The following DNAI4 variants were observed in gnomAD, a reference collection of about 807,000 sequenced individuals.
The protein encoded by DNAI4 is WD repeat domain 78.
Under a neutral mutation model 105.8 loss-of-function variants are expected in DNAI4, and 85 were observed. The ratio of observed to expected loss-of-function variants is 0.80; its 90% CI spans 0.67 to 0.96. The LOEUF is 0.96. Ranked by LOEUF, DNAI4 falls within the 40% of genes least tolerant of loss-of-function variation. DNAI4 has a pLI of 0.00. For missense variants in DNAI4, 1,014 were observed against 1,005.6 expected, an observed-to-expected ratio of 1.01 and a Z score of -0.11; for synonymous variants, 352 against 331.5, an observed-to-expected ratio of 1.06 and a Z score of -0.67.
intron 2 of DNAI4, among the ~76,000 whole-genome samples, chr1:66,899,838 C>T (rs1423296191): frequency 2.6e-5 from 4 of 152,130 alleles, no homozygotes; most frequent in Non-Finnish European, 5.9e-5. Flanking sequence ...ATTGAGTGAT[C>T]TCGGCAATCA....
chr1:66,851,812 G>A (rs1646402383), intron 7 of DNAI4, among the ~76,000 whole-genome samples: 1 of 151,656 alleles, frequency 6.6e-6, no homozygotes, highest in African/African-American at 2.4e-5. Flanking sequence ...AGCATTAAAT[G>A]TATACATTAG....
chr1:66,882,799 A>C (rs1366478032), intron 4 of DNAI4, among the ~76,000 whole-genome samples: 1 of 151,976 alleles, frequency 6.6e-6, no homozygotes, highest in Non-Finnish European at 1.5e-5. Flanking sequence ...AATATAAATT[A>C]TAGAATAAAT....
At chr1:66,887,576 A>G (rs1441964366) in intron 4 of DNAI4, among the ~76,000 whole-genome samples, 2 of 152,166 alleles carry the variant, frequency 1.3e-5, no homozygotes, top group Non-Finnish European at 2.9e-5. Flanking sequence ...AAACATAGAC[A>G]TTACTCAAAA....
intron 10 of DNAI4, among the ~76,000 whole-genome samples, chr1:66,837,210 G>A (rs376645090): frequency 5.3e-5 from 8 of 151,620 alleles, no homozygotes; most frequent in Non-Finnish European, 1.2e-4. Flanking sequence ...TTAAAAATAC[G>A]AAAATTAGCT....
At chr1:66,872,430 T>C (rs1646867250) in intron 5 of DNAI4, among the ~76,000 whole-genome samples, 1 of 151,940 alleles carries the variant, frequency 6.6e-6, no homozygotes. Flanking sequence ...GGTTTTACCA[T>C]GTTGACCAGG....
intron 1 of DNAI4, among the ~76,000 whole-genome samples, chr1:66,924,031 A>T (rs1414149123): frequency 6.6e-6 from 1 of 152,338 alleles, no homozygotes; most frequent in Non-Finnish European, 1.5e-5. Context: ...GGTGGCTCAC[A>T]GAAGCTGAGG....
rs1645450549 is a variant in DNAI4, at chr1:66,813,191, A to AT, written c.*938dup. 6.6e-6 allele frequency: 1 copy of AT among 152,272 alleles called. No homozygotes were observed. Among genetic ancestry groups the AT allele is most frequent in the Non-Finnish European group, 1.5e-5 (1 of 68,026 alleles). The allele number at this position is 152,272 out of a possible 1,614,324, so 9.4% of individuals were successfully genotyped here. On this transcript the variant is annotated 3_prime_UTR_variant, in exon 17 of 17. Transcript: ENST00000371026. ...TTTTCCAGAGAGTTTAGTGAATTTCATATGCCCTATCGTCTCCTCTCCACT... is the reference window on the plus strand; with the variant it reads ...TTTTCCAGAGAGTTTAGTGAATTTCATTATGCCCTATCGTCTCCTCTCCACT...
chr1:66,919,121 A>C (rs1024970998), intron 1 of DNAI4: 2 of 444,734 alleles, frequency 4.5e-6, no homozygotes, highest in Non-Finnish European at 9.1e-6. Flanking sequence ...GCCTCCCTAA[A>C]ATGTATAAAA....
At chr1:66,878,845 G>C (rs543171333) in intron 4 of DNAI4, among the ~76,000 whole-genome samples, 1 of 152,228 alleles carries the variant, frequency 6.6e-6, no homozygotes, top group African/African-American at 2.4e-5. Context: ...CTATAAACTA[G>C]AGTGTTTATT....
chr1:66,885,130 A>G (rs1169927997), intron 4 of DNAI4, among the ~76,000 whole-genome samples: 2 of 152,128 alleles, frequency 1.3e-5, no homozygotes, highest in Non-Finnish European at 2.9e-5. Flanking sequence ...TTAATTTGCA[A>G]ATGTTTGGAA....
At chr1:66,908,531 G>C (rs1045378422) in intron 1 of DNAI4, among the ~76,000 whole-genome samples, 2 of 152,148 alleles carry the variant, frequency 1.3e-5, no homozygotes, top group African/African-American at 4.8e-5. Flanking sequence ...ATTACTTCTG[G>C]GTAGTCCCCT....
intron 4 of DNAI4, among the ~76,000 whole-genome samples, chr1:66,880,485 G>C (rs1337505589): frequency 6.6e-6 from 1 of 152,190 alleles, no homozygotes; most frequent in Non-Finnish European, 1.5e-5. Flanking sequence ...TTGGGAACTG[G>C]AGCAAAGGTG....
At chr1:66,834,928 T>C (rs959853749) in intron 11 of DNAI4, among the ~76,000 whole-genome samples, 2 of 152,322 alleles carry the variant, frequency 1.3e-5, no homozygotes, top group African/African-American at 4.8e-5. Flanking sequence ...TCTGCTTTAA[T>C]GGTTATTTCT....
intron 7 of DNAI4, among the ~76,000 whole-genome samples, chr1:66,860,200 A>T (rs922187259): frequency 2.0e-5 from 3 of 152,230 alleles, no homozygotes; most frequent in Non-Finnish European, 4.4e-5. Flanking sequence ...ATAAAAAATA[A>T]TTTTTCTCTA....
intron 1 of DNAI4, among the ~76,000 whole-genome samples, chr1:66,913,781 G>A (rs749933731): frequency 6.6e-6 from 1 of 151,992 alleles, no homozygotes; most frequent in Non-Finnish European, 1.5e-5. Flanking sequence ...AGGAAATCGA[G>A]ACCATCCTGG....
intron 4 of DNAI4, among the ~76,000 whole-genome samples, chr1:66,886,913 A>G (rs1647221501): frequency 6.6e-6 from 1 of 152,140 alleles, no homozygotes; most frequent in Non-Finnish European, 1.5e-5. Context: ...CTATAGTTTC[A>G]AAATTACCCT....
At chr1:66,834,262 C>A (rs1406865605) in intron 11 of DNAI4, 114 bp from the exon 12 acceptor site, 3 of 728,750 alleles carry the variant, frequency 4.1e-6, no homozygotes, top group South Asian at 3.1e-5. Flanking sequence ...TTTATATAAT[C>A]CTTTTATTGT....
At chr1:66,822,900 GTTAT>G (rs1339067579) in intron 15 of DNAI4, among the ~76,000 whole-genome samples, 2 of 149,540 alleles carry the variant, frequency 1.3e-5, no homozygotes, top group Non-Finnish European at 3.0e-5. Context: ...TGTTTTTTTT[GTTAT>G]TTATTTATTT....
chr1:66,835,633 C>A lies in DNAI4; in HGVS notation c.1726G>T (p.Asp576Tyr). The A allele has an allele frequency of 6.2e-7, 1 of 1,613,986 alleles. No homozygotes were observed. Among genetic ancestry groups the A allele is most frequent in the Non-Finnish European group, 8.5e-7 (1 of 1,179,942 alleles). ...TAATTCTCGGATTCTTACCTACTAT[C>A]CAGAACTGGAACATTACTGTTGCTC... Reference protein sequence around the residue: ...VRSNSNVPVLDSSESPQKHLG... With the variant: ...VRSNSNVPVLYSSESPQKHLG... The change falls in exon 11 of 17, where the codon GAT becomes TAT. Residue 576 changes from aspartate to tyrosine, a missense_variant. Coordinates refer to ENST00000371026, the MANE Select transcript of DNAI4 (RefSeq NM_024763.5).
Sources: allele counts gnomAD v4.1 joint callset (sites outside exome capture counted in the v4.1 genomes callset), GRCh38; gene constraint gnomAD v4.1.1; transcripts MANE v1.5; gene names NCBI Gene and HGNC (gene_info 2026-07-23, HGNC 2026-07-21).